SI: variants seen among roughly 807,000 people sequenced by gnomAD.
SI encodes the protein sucrase-isomaltase.
In SI, 235 loss-of-function variants were observed where a neutral mutation model predicts 253.3. The observed-to-expected ratio is 0.93, with a 90% confidence interval of 0.83 to 1.03. The LOEUF (loss-of-function observed/expected upper bound fraction) is 1.03, where lower values mean the gene tolerates loss of function less well. Among genes scored for constraint, SI ranks in the 50% least tolerant of loss-of-function variants. SI has a pLI of 0.00. For missense variants in SI, 2,442 were observed against 2,211.1 expected, an observed-to-expected ratio of 1.10 and a Z score of -2.09; for synonymous variants, 819 against 712.0, an observed-to-expected ratio of 1.15 and a Z score of -2.39.
Position 165,021,323 on chromosome 3 carries a change from G to C in SI, c.3160C>G (p.Pro1054Ala). ...AGTCTGTCTTCATAAGTACTTATTG[G>C]GGTGGTTGGAATGTTTAACGGTACT... The part of the protein sequence containing the change: ...VPVPLNIPTT[P>A]ISTYEDRLYD... Residue 1054 changes from proline (P) to alanine (A), a missense_variant, in exon 27 of 48, where the codon CCA becomes GCA. Pro to Ala is a conservative substitution (Grantham distance 27, BLOSUM62 -1). Coordinates refer to ENST00000264382, the MANE Select transcript of SI (RefSeq NM_001041.4). 1 of 1,610,586 alleles carries C rather than the reference G, an allele frequency of 6.2e-7. No homozygotes were observed. The highest frequency in any genetic ancestry group is 8.5e-7 in the Non-Finnish European group (1 of 1,177,432).
In SI at chr3:165,076,027, G is replaced by T. The variant is rs201424057; in HGVS notation, c.1-15C>A. The stretch of plus-strand genomic sequence containing the variant: ...TTTCTTGCCATCTAAAAACAGAAAA[G>T]AATATATATTTAAAATGTAAAATAT... On this transcript the variant is annotated splice_polypyrimidine_tract_variant and intron_variant, in intron 1 of 47. Transcript: ENST00000264382. The T allele has an allele frequency of 3.8e-5, 56 of 1,484,480 alleles. No homozygotes were observed. In the Admixed American group the frequency reaches 4.0e-4, roughly 11 times the overall value. The allele number at this position is 1,484,480 out of a possible 1,614,324, so 92.0% of individuals were successfully genotyped here. A position where few individuals can be genotyped will look rare whatever the true frequency, so the allele number is the denominator to read the frequency against.
intron 13 of SI, among the ~76,000 whole-genome samples, chr3:165,051,663 A>G (rs1359243794): frequency 6.6e-6 from 1 of 152,076 alleles, no homozygotes; most frequent in African/African-American, 2.4e-5. Flanking sequence ...TTTCTAAACA[A>G]TTTTAACATC....
intron 19 of SI, 26 bp downstream of exon 19, chr3:165,039,861 A>G: frequency 6.7e-7 from 1 of 1,503,316 alleles, no homozygotes; most frequent in East Asian, 2.3e-5. Context: ...TTCAAACAAT[A>G]AGGTTATTAA....
intron 28 of SI, 114 bp from the exon 29 acceptor site, chr3:165,018,180 T>C (rs1719133843): frequency 1.4e-6 from 1 of 704,338 alleles, no homozygotes; most frequent in African/African-American, 1.8e-5. Context: ...AATTCCCGTT[T>C]CCCAACCTTA....
At chr3:165,014,541 G>A (rs1056189962) in intron 33 of SI, among the ~76,000 whole-genome samples, 2 of 152,006 alleles carry the variant, frequency 1.3e-5, no homozygotes, top group African/African-American at 2.4e-5. Context: ...GAGCCACCAC[G>A]CCTGGCCCTC....
intron 44 of SI, among the ~76,000 whole-genome samples, chr3:164,990,961 T>C (rs1717705675): frequency 6.6e-6 from 1 of 152,066 alleles, no homozygotes; most frequent in African/African-American, 2.4e-5. Context: ...AATATTTCTT[T>C]TGACTGTCCA....
At chr3:165,028,752 C>T (rs1282367542) in intron 25 of SI, among the ~76,000 whole-genome samples, 1 of 151,382 alleles carries the variant, frequency 6.6e-6, no homozygotes, top group African/African-American at 2.4e-5. Flanking sequence ...GAGAATAAAA[C>T]TAGATTCTCA....
intron 14 of SI, 131 bp from the exon 15 acceptor site, chr3:165,049,375 A>G (rs1036481978): frequency 1.5e-6 from 1 of 655,570 alleles, no homozygotes; most frequent in Admixed American, 2.5e-5. Context: ...ACAATGACAA[A>G]GGACAATCCA....
intron 47 of SI, among the ~76,000 whole-genome samples, chr3:164,980,262 G>C (rs2108104740): frequency 6.6e-6 from 1 of 151,980 alleles, no homozygotes; most frequent in Admixed American, 6.6e-5. Flanking sequence ...AAAAGTAATA[G>C]TTAAATAATT....
At chr3:165,000,910 A>G (rs111764958) in intron 37 of SI, among the ~76,000 whole-genome samples, 7,864 of 151,394 alleles carry the variant, frequency 0.052, 687 homozygotes, top group African/African-American at 0.18. Context: ...TATTGCCTAC[A>G]GGAGCATTTT....
chr3:165,082,957 T>C (rs945846754), upstream of SI, among the ~76,000 whole-genome samples: 1 of 151,908 alleles, frequency 6.6e-6, no homozygotes, highest in African/African-American at 2.4e-5. Context: ...AATTGAATAA[T>C]GTCCAGAAGT....
intron 36 of SI, among the ~76,000 whole-genome samples, chr3:165,007,417 A>G (rs1718565814): frequency 6.6e-6 from 1 of 152,080 alleles, no homozygotes; most frequent in Admixed American, 6.6e-5. Context: ...TGAATATGAA[A>G]CATCACATTC....
In SI at chr3:165,040,992, A is replaced by G. The variant is rs763849928; in HGVS notation, c.2107T>C (p.Phe703Leu). 1 of 1,612,710 alleles carries G rather than the reference A, an allele frequency of 6.2e-7. No homozygotes were observed. The highest frequency in any genetic ancestry group is 8.5e-7 in the Non-Finnish European group (1 of 1,179,044). ...TCTCCAAACACATGGGCTTTATAAA[A>G]CAGAGTGTAGAGGAAGGGTAATAAG... ...YTLLPFLYTL[F>L]YKAHVFGETV... The change falls in exon 18 of 48, where the codon TTT (phenylalanine) becomes CTT (leucine). Residue 703 changes from phenylalanine to leucine, a missense_variant. Phe to Leu is a conservative substitution (Grantham distance 22). Transcript: ENST00000264382.
At position 165,046,971 on chromosome 3, in the gene SI, A is replaced by G; in HGVS notation, c.1757T>C (p.Leu586Pro). 6.2e-7 allele frequency: 1 copy of G among 1,611,412 alleles called. No homozygotes were observed. Among genetic ancestry groups the G allele is most frequent in the Non-Finnish European group, 8.5e-7 (1 of 1,178,798 alleles). ...AGATCCAGCAAATGTTGAGCGGGTA[A>G]GAATGAAGCTTCTCTTATTAGGAAA... is the stretch of plus-strand genomic sequence containing the variant. Reference protein sequence around the residue: ...KVFPNKRSFILTRSTFAGSGR... With the variant: ...KVFPNKRSFIPTRSTFAGSGR... Residue 586 changes from leucine (L) to proline (P), a missense_variant, in exon 16 of 48, where the codon CTT (leucine) becomes CCT (proline). Coordinates refer to ENST00000264382, the MANE Select transcript of SI (RefSeq NM_001041.4).
chr3:165,062,243 A>G (rs949743581), intron 9 of SI, 128 bp downstream of exon 9: 7 of 637,052 alleles, frequency 1.1e-5, no homozygotes, highest in Non-Finnish European at 1.7e-5. Flanking sequence ...CTTAAATATG[A>G]TAAGATTTTC....
At chr3:165,061,353 T>G (rs1281790428) in intron 9 of SI, among the ~76,000 whole-genome samples, 1 of 151,992 alleles carries the variant, frequency 6.6e-6, no homozygotes, top group Non-Finnish European at 1.5e-5. Context: ...AAAGTCTATA[T>G]GTAGGCCAGC....
Position 165,074,536 on chromosome 3 carries a change from T to C in SI, c.250A>G (p.Thr84Ala), listed in dbSNP as rs775432646. 1.9e-6 allele frequency: 3 copies of C among 1,602,990 alleles called. No homozygotes were observed. The highest frequency in any genetic ancestry group is 3.4e-5 in the Admixed American group (2 of 59,486). ...TAAAGACTTTTGCTGCAGACCTCTG[T>C]TGGGAATTGTTCTGGAATGCAGTTT... ...RINCIPEQFP[T>A]EGICAQRGCC... The change falls in exon 3 of 48, where the codon ACA becomes GCA. Residue 84 changes from threonine to alanine, a missense_variant. By Grantham distance (58) the Thr-to-Ala change is moderately conservative. Transcript: ENST00000264382.
At chr3:165,077,642 G>A (rs1014633689) in intron 1 of SI, among the ~76,000 whole-genome samples, 7 of 151,570 alleles carry the variant, frequency 4.6e-5, no homozygotes, top group African/African-American at 1.5e-4. Flanking sequence ...GCCCAGTTGC[G>A]TGATGTTATG....
intron 7 of SI, among the ~76,000 whole-genome samples, chr3:165,064,037 T>C (rs909825567): frequency 6.6e-6 from 1 of 150,916 alleles, no homozygotes; most frequent in Non-Finnish European, 1.5e-5. Flanking sequence ...CTCACTGCAC[T>C]CCAGCCTAGG....
Sources: gnomAD v4.1 joint callset for allele counts (sites outside exome capture counted in the v4.1 genomes callset) on GRCh38, gnomAD v4.1.1 for gene constraint, MANE v1.5 for transcripts, NCBI Gene and HGNC (gene_info 2026-07-23, HGNC 2026-07-21) for gene names.